The following PTPRN2 variants were observed in gnomAD, a reference collection of about 807,000 sequenced individuals.
The protein encoded by PTPRN2 is protein tyrosine phosphatase receptor type N2, also known as receptor-type tyrosine-protein phosphatase N2.
Under a neutral mutation model 118.8 loss-of-function variants are expected in PTPRN2, and 74 were observed. The ratio of observed to expected loss-of-function variants is 0.62; its 90% CI spans 0.52 to 0.76. The LOEUF is 0.76. Ranked by LOEUF, PTPRN2 falls within the 30% of genes least tolerant of loss-of-function variation. The pLI, the probability that PTPRN2 is intolerant of heterozygous loss-of-function variation, is 0.00. For synonymous variants in PTPRN2, 641 were observed against 608.0 expected, an observed-to-expected ratio of 1.05 and a Z score of -0.80; for missense variants, 1,481 against 1,394.4, an observed-to-expected ratio of 1.06 and a Z score of -0.99.
chr7:158,288,955 G>T (rs1024561941), intron 3 of PTPRN2, among the ~76,000 whole-genome samples: 7 of 152,010 alleles, frequency 4.6e-5, no homozygotes, highest in Admixed American at 3.9e-4. Flanking sequence ...CAGTATTCTT[G>T]GTTGGCCATT....
intron 5 of PTPRN2, 50 bp from the exon 6 acceptor site, chr7:158,167,341 G>A: frequency 4.6e-6 from 7 of 1,527,908 alleles, no homozygotes; most frequent in Non-Finnish European, 6.1e-6. Flanking sequence ...TCCATCGTCA[G>A]CTGGGGGCAC....
chr7:158,415,213 C>A (rs2335169), intron 2 of PTPRN2, among the ~76,000 whole-genome samples: 148,165 of 152,322 alleles, frequency 0.97, 72,091 homozygotes, highest in African/African-American at 0.99. Context: ...TCTGCAGTCC[C>A]CACTCTGGGC....
chr7:157,603,464 C>T lies in PTPRN2; in HGVS notation c.2418+538G>A, dbSNP rs112979033. Among the ~76,000 whole-genome samples, 1,219 of 152,220 alleles carry T rather than the reference C, an allele frequency of 8.0e-3. 8 individuals carry two copies. Among genetic ancestry groups the T allele is most frequent in the South Asian group, 0.018 (88 of 4,818 alleles). ...TCGTCCCCAGAAACACAGGACAGCC[C>T]GATCTCCACTGCACCTGCGTCTATC... On this transcript the variant is annotated intron_variant, in intron 16 of 22. Transcript: ENST00000389418. This position sits in a 1 kb window ranked among gnomAD's most constrained non-coding sequence, Gnocchi z 5.4.
chr7:157,756,569 C>T (rs759577597), intron 12 of PTPRN2, among the ~76,000 whole-genome samples: 7 of 152,204 alleles, frequency 4.6e-5, no homozygotes, highest in Non-Finnish European at 8.8e-5. Flanking sequence ...AGCCACTGCG[C>T]CCAGCCTTTA....
intron 12 of PTPRN2, among the ~76,000 whole-genome samples, chr7:157,766,378 C>A (rs1314402478): frequency 6.6e-6 from 1 of 151,904 alleles, no homozygotes; most frequent in Non-Finnish European, 1.5e-5. Flanking sequence ...ATCATCCACT[C>A]TTCTTCCATC....
chr7:158,069,153 G>T (rs558517267), intron 11 of PTPRN2, among the ~76,000 whole-genome samples: 2 of 152,134 alleles, frequency 1.3e-5, no homozygotes, highest in Non-Finnish European at 2.9e-5. Flanking sequence ...TGCCTGACAC[G>T]GTGGGTCTTA....
chr7:157,604,155 C>A (rs1024078150), intron 15 of PTPRN2, 80 bp from the exon 16 acceptor site: 1 of 1,325,936 alleles, frequency 7.5e-7, no homozygotes, highest in Non-Finnish European at 1.1e-6. Flanking sequence ...TCCAGGGCCC[C>A]CCACCCAGCA....
At chr7:157,546,946 C>T (rs1183849397) in intron 22 of PTPRN2, among the ~76,000 whole-genome samples, 1 of 152,126 alleles carries the variant, frequency 6.6e-6, no homozygotes, top group African/African-American at 2.4e-5. Flanking sequence ...TCACTTTTGG[C>T]AAAGATATCC....
intron 2 of PTPRN2, among the ~76,000 whole-genome samples, chr7:158,432,026 T>C (rs1816247492): frequency 6.6e-6 from 1 of 152,212 alleles, no homozygotes; most frequent in Non-Finnish European, 1.5e-5. Context: ...CAATCCACTC[T>C]AACAGGATCC....
chr7:158,015,604 C>A lies in PTPRN2; in HGVS notation c.1723+65694G>T, dbSNP rs1806394382. 6.6e-6 allele frequency among the ~76,000 whole-genome samples: 1 copy of A among 152,096 alleles called. No individual in the cohort carries two copies. The highest frequency in any genetic ancestry group is 2.4e-5 in the African/African-American group (1 of 41,410). On this transcript the variant is annotated intron_variant, in intron 11 of 22. Transcript: ENST00000389418. The surrounding 1 kb of genome is among the most constrained non-coding windows in gnomAD (Gnocchi z 4.2). ...CTTTCAGGGGAAAGCAGAGCCCTTT[C>A]TCTTTACTCACCAGCAGTTCATATT...
chr7:158,286,178 A>G (rs186099164), intron 3 of PTPRN2, among the ~76,000 whole-genome samples: 2 of 152,352 alleles, frequency 1.3e-5, no homozygotes, highest in African/African-American at 4.8e-5. Context: ...GTGTATAAAA[A>G]TGCTCTTTAT....
intron 14 of PTPRN2, among the ~76,000 whole-genome samples, chr7:157,645,721 CA>C (rs1805025682): frequency 6.6e-6 from 1 of 152,166 alleles, no homozygotes; most frequent in South Asian, 2.1e-4. Flanking sequence ...ACCACATGAC[CA>C]CAGCAGCACC....
rs982578061 is a variant in PTPRN2 at position 157,974,974 on chromosome 7, C to T, written c.1724-76237G>A. Reference sequence around the variant, plus strand: ...AGCCCTAGTCAGAAATGCCTCCTGACGCCTGTGACCTCTGGGCAGGGCTAG... The same window carrying T: ...AGCCCTAGTCAGAAATGCCTCCTGATGCCTGTGACCTCTGGGCAGGGCTAG... On this transcript the variant is annotated intron_variant, in intron 11 of 22. Transcript: ENST00000389418. The surrounding 1 kb of genome is among the most constrained non-coding windows in gnomAD (Gnocchi z 4.0). Among the ~76,000 whole-genome samples, 12 of 151,950 alleles carry T rather than the reference C, an allele frequency of 7.9e-5. No individual in the cohort carries two copies. The highest frequency in any genetic ancestry group is 1.9e-4 in the East Asian group (1 of 5,140).
In PTPRN2 at chr7:157,799,836, C is replaced by A. The variant is rs368715638; in HGVS notation, c.1788+98837G>T. Among the ~76,000 whole-genome samples, 36 of 131,420 alleles carry A rather than the reference C, an allele frequency of 2.7e-4. No individual in the cohort carries two copies. In the East Asian group the frequency reaches 4.3e-3, roughly 16 times the overall value. 86.2% of individuals were successfully genotyped at this position (131,420 alleles called of 152,430 possible). On this transcript the variant is annotated intron_variant, in intron 12 of 22. Transcript: ENST00000389418. ...CAGAGGCACCACAGCCGGCCCCCTC[C>A]ATCCCTCAGAGGCACCACAGCCGGC...
Position 157,875,949 on chromosome 7 carries a change from GCCCCCAGGCCAGGCA to G in PTPRN2, c.1788+22709_1788+22723del, listed in dbSNP as rs1210464811. Among the ~76,000 whole-genome samples the G allele has an allele frequency of 5.9e-5, 9 of 151,890 alleles. No individual in the cohort carries two copies. In the East Asian group the frequency reaches 1.8e-3, roughly 30 times the overall value. ...GCTGCAGAGGGTCAGGAGGGGCCGA[GCCCCCAGGCCAGGCA>G]TCCCCAGGGCAGGCACGGGGCTGCA... is the stretch of plus-strand genomic sequence containing the variant. On this transcript the variant is annotated intron_variant, in intron 12 of 22. Coordinates refer to ENST00000389418, the MANE Select transcript of PTPRN2 (RefSeq NM_002847.5).
chr7:157,557,968 C>A (rs1798986927), intron 21 of PTPRN2, among the ~76,000 whole-genome samples: 1 of 150,758 alleles, frequency 6.6e-6, no homozygotes, highest in Non-Finnish European at 1.5e-5. Context: ...TGCAAAATAT[C>A]CTGGTAAGTT....
At chr7:158,036,668 C>A (rs1323240653) in intron 11 of PTPRN2, among the ~76,000 whole-genome samples, 1 of 152,094 alleles carries the variant, frequency 6.6e-6, no homozygotes, top group Non-Finnish European at 1.5e-5. Flanking sequence ...GAGAAAAAGT[C>A]CAGTAATATC....
At chr7:158,104,033 T>C (rs1419275750) in intron 10 of PTPRN2, among the ~76,000 whole-genome samples, 1 of 152,066 alleles carries the variant, frequency 6.6e-6, no homozygotes, top group African/African-American at 2.4e-5. Flanking sequence ...GACTAATTTT[T>C]GTATTTTTAA....
intron 2 of PTPRN2, among the ~76,000 whole-genome samples, chr7:158,476,270 C>T (rs561041911): frequency 1.3e-5 from 2 of 152,380 alleles, no homozygotes; most frequent in East Asian, 1.9e-4. Context: ...TCCCACAGTG[C>T]TGGGATTACA....
Sources: allele counts gnomAD v4.1 joint callset (sites outside exome capture counted in the v4.1 genomes callset), GRCh38; gene constraint gnomAD v4.1.1; non-coding constraint Gnocchi (gnomAD v3.1); transcripts MANE v1.5; gene names NCBI Gene and HGNC (gene_info 2026-07-23, HGNC 2026-07-21).